SOX6: variants seen among roughly 807,000 people sequenced by gnomAD.
SOX6 encodes the protein transcription factor SOX-6.
Under a neutral mutation model 97.8 loss-of-function variants are expected in SOX6, and 11 were observed. The observed-to-expected ratio is 0.11, with a 90% CI of 0.07 to 0.19. The LOEUF is 0.19. Among genes scored for constraint, SOX6 ranks in the 10% least tolerant of loss-of-function variants. The probability of loss-of-function intolerance (pLI) is 1.00; values close to 1 mark genes in which losing one functional copy is unlikely to be tolerated. For missense variants in SOX6, 810 were observed against 1,039.5 expected (o/e 0.78, Z 3.04); for synonymous variants, 360 against 371.4 (o/e 0.97, Z 0.35).
Position 16,234,642 on chromosome 11 carries a change from T to C in SOX6, c.475A>G (p.Lys159Glu). 6.3e-7 allele frequency: 1 copy of C among 1,596,098 alleles called. No individual in the cohort carries two copies. The highest frequency in any genetic ancestry group is 8.6e-7 in the Non-Finnish European group (1 of 1,167,186). ...DSSCMEKLLSKDWKEKMERLN... is the reference protein window; with the variant it reads ...DSSCMEKLLSEDWKEKMERLN... ...CTTTCCATTTTTTCCTTCCAATCTT[T>C]TGAAAGTAGTTTTTCCATGCAGGAG... Residue 159 changes from lysine to glutamate, a missense_variant, in exon 4 of 16, where the codon AAA becomes GAA. Coordinates refer to ENST00000683767, the MANE Select transcript of SOX6 (RefSeq NM_001367873.1).
intron 6 of SOX6, among the ~76,000 whole-genome samples, chr11:16,133,159 T>C (rs1380639634): frequency 2.6e-5 from 4 of 152,208 alleles, no homozygotes; most frequent in African/African-American, 7.2e-5. Flanking sequence ...TGAATTTAAA[T>C]GTAATTATTT....
intron 1 of SOX6, among the ~76,000 whole-genome samples, chr11:16,374,143 C>G (rs1857581238): frequency 6.6e-6 from 1 of 152,116 alleles, no homozygotes; most frequent in Non-Finnish European, 1.5e-5. Flanking sequence ...TCTGAACTCC[C>G]TTATGTGCCT....
chr11:16,210,629 A>T (rs1272991535), intron 4 of SOX6, among the ~76,000 whole-genome samples: 1 of 152,202 alleles, frequency 6.6e-6, no homozygotes, highest in African/African-American at 2.4e-5. Flanking sequence ...AGTTCCATAT[A>T]GGTGGAGAGA....
At chr11:16,062,048 C>T (rs541500201) in intron 9 of SOX6, among the ~76,000 whole-genome samples, 13 of 151,634 alleles carry the variant, frequency 8.6e-5, no homozygotes, top group Middle Eastern at 3.4e-3. Flanking sequence ...AATGAGACTA[C>T]GTTAAACTAA....
intron 13 of SOX6, among the ~76,000 whole-genome samples, chr11:15,997,598 A>G (rs149131716): frequency 2.0e-4 from 30 of 152,308 alleles, no homozygotes; most frequent in Non-Finnish European, 4.0e-4. Flanking sequence ...ATCACAATAG[A>G]TTCAGAAAAT....
chr11:16,496,495 G>A (rs10832622), intron 4 of SOX6, among the ~76,000 whole-genome samples: 33,483 of 152,150 alleles, frequency 0.22, 4,189 homozygotes, highest in East Asian at 0.51. Flanking sequence ...GCAATGCACC[G>A]AGCATGAGCC....
intron 4 of SOX6, among the ~76,000 whole-genome samples, chr11:16,193,319 C>T (rs1851679979): frequency 6.6e-6 from 1 of 151,966 alleles, no homozygotes; most frequent in Admixed American, 6.6e-5. Context: ...CTGCAGTGAG[C>T]TATGATTGCA....
At chr11:16,342,332 T>G (rs1856664198) in intron 1 of SOX6, among the ~76,000 whole-genome samples, 1 of 151,992 alleles carries the variant, frequency 6.6e-6, no homozygotes, top group African/African-American at 2.4e-5. Flanking sequence ...TACATTGTTT[T>G]TAGTTTATTA....
chr11:16,618,927 T>A (rs1247559495), intron 3 of SOX6, among the ~76,000 whole-genome samples: 1 of 152,064 alleles, frequency 6.6e-6, no homozygotes, highest in East Asian at 1.9e-4. Context: ...ATACTCATAA[T>A]GCACATTCAT....
intron 5 of SOX6, 133 bp from the exon 6 acceptor site, chr11:16,184,087 G>T: frequency 1.2e-6 from 1 of 809,228 alleles, no homozygotes; most frequent in South Asian, 1.5e-5. Context: ...AAATGAGAGA[G>T]GCCAAATCAG....
intron 3 of SOX6, among the ~76,000 whole-genome samples, chr11:16,703,729 T>C (rs1848111160): frequency 6.6e-6 from 1 of 152,166 alleles, no homozygotes; most frequent in Non-Finnish European, 1.5e-5. Flanking sequence ...TGATGGCTTA[T>C]GTTTTAAAAT....
intron 4 of SOX6, among the ~76,000 whole-genome samples, chr11:16,516,471 C>T (rs1387570685): frequency 1.1e-4 from 17 of 151,782 alleles, no homozygotes; most frequent in Middle Eastern, 3.4e-3. Flanking sequence ...ATCAAATAGA[C>T]GCAATAAAAA....
chr11:16,514,504 A>G (rs990552359), intron 4 of SOX6, among the ~76,000 whole-genome samples: 3 of 152,012 alleles, frequency 2.0e-5, no homozygotes, highest in Non-Finnish European at 2.9e-5. Flanking sequence ...TCCCAGACTT[A>G]TAAAATAGAT....
At chr11:16,590,946 A>G (rs569798334) in intron 4 of SOX6, among the ~76,000 whole-genome samples, 1 of 152,230 alleles carries the variant, frequency 6.6e-6, no homozygotes, top group South Asian at 2.1e-4. Flanking sequence ...GTATAATTGG[A>G]CTGTTTGTAA....
chr11:16,369,097 A>G (rs1419460300), intron 1 of SOX6, among the ~76,000 whole-genome samples: 1 of 152,090 alleles, frequency 6.6e-6, no homozygotes, highest in East Asian at 1.9e-4. Context: ...ACAAAAAAGA[A>G]TGTATACGAA....
At chr11:16,694,337 G>A (rs1225370321) in intron 3 of SOX6, among the ~76,000 whole-genome samples, 1 of 152,054 alleles carries the variant, frequency 6.6e-6, no homozygotes, top group East Asian at 1.9e-4. Flanking sequence ...GGACAAGCCT[G>A]GGCAACACAG....
intron 1 of SOX6, among the ~76,000 whole-genome samples, chr11:16,347,765 C>A (rs529557673): frequency 6.2e-4 from 95 of 152,126 alleles, no homozygotes; most frequent in African/African-American, 2.1e-3. Context: ...TATACTTTTC[C>A]ATCCTTAACT....
chr11:16,154,402 C>T (rs530894402), intron 6 of SOX6, among the ~76,000 whole-genome samples: 16 of 152,160 alleles, frequency 1.1e-4, no homozygotes, highest in African/African-American at 3.1e-4. Context: ...TTTTCCTTTA[C>T]GCCACTTATC....
Position 16,031,993 on chromosome 11 carries a change from C to A in SOX6, c.1623+14521G>T, listed in dbSNP as rs1192276457. On this transcript the variant is annotated intron_variant, in intron 12 of 15. Transcript: ENST00000683767. ...TATTCTAGGGCCTTGTAAGAGGCAA[C>A]CCTCCTATAATATGAATTTACTCTA... Among the ~76,000 whole-genome samples, 4 of 152,122 alleles carry A rather than the reference C, an allele frequency of 2.6e-5. No individual in the cohort carries two copies. The East Asian group carries it at 5.8e-4, about 22-fold the overall frequency.
Sources: gnomAD v4.1 joint callset for allele counts (sites outside exome capture counted in the v4.1 genomes callset) on GRCh38, gnomAD v4.1.1 for gene constraint, MANE v1.5 for transcripts, NCBI Gene and HGNC (gene_info 2026-07-23, HGNC 2026-07-21) for gene names.